Variants in SIK3 observed in about 807,000 individuals in gnomAD.
SIK3 encodes SIK family kinase 3.
Under a neutral mutation model 144.2 loss-of-function variants are expected in SIK3, and 28 were observed. That is an observed-to-expected ratio of 0.19 (90% CI 0.14 to 0.27). SIK3 has a LOEUF of 0.27. Ranked by LOEUF, SIK3 falls within the 10% of genes least tolerant of loss-of-function variation. SIK3 has a pLI of 1.00. For missense variants in SIK3, 1,319 were observed against 1,776.0 expected, an observed-to-expected ratio of 0.74 and a Z score of 4.62; for synonymous variants, 686 against 676.3, an observed-to-expected ratio of 1.01 and a Z score of -0.22.
At chr11:116,910,511 C>G (rs1946282822) in intron 4 of SIK3, among the ~76,000 whole-genome samples, 1 of 151,988 alleles carries the variant, frequency 6.6e-6, no homozygotes, top group Non-Finnish European at 1.5e-5. Context: ...CATCATCTCC[C>G]CAAAACCACA....
chr11:116,859,265 C>G lies in SIK3; in HGVS notation c.2765G>C (p.Ser922Thr). The G allele has an allele frequency of 6.2e-7, 1 of 1,600,012 alleles. No individual in the cohort carries two copies. The highest frequency in any genetic ancestry group is 8.5e-7 in the Non-Finnish European group (1 of 1,169,696). Residue 922 changes from serine (S) to threonine (T), a missense_variant and splice_region_variant, in exon 20 of 25, where the codon AGC (serine) becomes ACC (threonine). This residue lies in a region of SIK3 where 646 missense variants were observed against 763.7 expected (regional missense o/e 0.85). Transcript: ENST00000445177. ...GCTGGGTGACGTTAGGCGGTCTTAC[C>G]TGTGAGCCTCTGCACTGTCAGCACT... Reference protein sequence around the residue: ...QLSADSAEAHSLNVNRFSPAN... With the variant: ...QLSADSAEAHTLNVNRFSPAN...
rs913467008 is a variant in SIK3 at position 116,858,170 on chromosome 11, C to T, written c.3295G>A (p.Asp1099Asn). 6.2e-7 allele frequency: 1 copy of T among 1,614,008 alleles called. No individual in the cohort carries two copies. Among genetic ancestry groups the T allele is most frequent in the Admixed American group, 1.7e-5 (1 of 59,994 alleles). ...GGGCTGGTGTGATGGTGATAAGAGT[C>T]AGCATTTTGATAAGATAAAGCCTGG... ...ERQALSYQNA[D>N]SYHHHTSPQH... Residue 1099 changes from aspartate (D) to asparagine (N), a missense_variant, in exon 21 of 25, where the codon GAC becomes AAC. Coordinates refer to ENST00000445177, the MANE Select transcript of SIK3 (RefSeq NM_001366686.3). The surrounding 1 kb of genome is among the most constrained non-coding windows in gnomAD (Gnocchi z 5.4).
chr11:116,854,487 CA>C (rs1942713799), intron 21 of SIK3, among the ~76,000 whole-genome samples: 1 of 152,242 alleles, frequency 6.6e-6, no homozygotes, highest in South Asian at 2.1e-4. Flanking sequence ...CACTTCATAG[CA>C]AAGCTGTTTA....
At chr11:117,039,110 C>T (rs1305839188) in intron 1 of SIK3, among the ~76,000 whole-genome samples, 1 of 151,978 alleles carries the variant, frequency 6.6e-6, no homozygotes, top group Non-Finnish European at 1.5e-5. Flanking sequence ...AGAATCACCT[C>T]GGCTCTACGT....
chr11:116,932,293 T>C (rs770663623), intron 3 of SIK3, among the ~76,000 whole-genome samples: 4 of 152,238 alleles, frequency 2.6e-5, no homozygotes, highest in Non-Finnish European at 5.9e-5. Context: ...GAGATAATTA[T>C]AGATTCACAG....
chr11:116,931,317 G>A (rs969290490), intron 3 of SIK3, among the ~76,000 whole-genome samples: 1 of 152,154 alleles, frequency 6.6e-6, no homozygotes. Flanking sequence ...ATATCTTGTG[G>A]TACATTTAGG....
At chr11:117,023,550 C>A (rs1004711173) in intron 1 of SIK3, among the ~76,000 whole-genome samples, 1 of 144,364 alleles carries the variant, frequency 6.9e-6, no homozygotes, top group East Asian at 2.0e-4. Context: ...GGACTATAGT[C>A]ATGTGCCACT....
intron 11 of SIK3, among the ~76,000 whole-genome samples, chr11:116,874,735 T>C (rs546434977): frequency 6.6e-6 from 1 of 152,328 alleles, no homozygotes; most frequent in African/African-American, 2.4e-5. Context: ...GAAAACCAGC[T>C]TTGCCCTGAT....
intron 1 of SIK3, among the ~76,000 whole-genome samples, chr11:117,040,569 T>C (rs918992742): frequency 2.0e-5 from 3 of 152,172 alleles, no homozygotes; most frequent in Non-Finnish European, 2.9e-5. Context: ...AGATTACTTC[T>C]AGCTAAAGAT....
chr11:116,923,698 TA>T (rs1947127077), intron 4 of SIK3, among the ~76,000 whole-genome samples: 2 of 152,142 alleles, frequency 1.3e-5, no homozygotes, highest in South Asian at 4.1e-4. Flanking sequence ...AAACAAATAA[TA>T]AAAATGTACG....
intron 15 of SIK3, among the ~76,000 whole-genome samples, chr11:116,866,021 C>G (rs918585840): frequency 2.6e-5 from 4 of 152,178 alleles, no homozygotes; most frequent in African/African-American, 9.7e-5. Context: ...TGAAAACAGA[C>G]AGCAGATAGA....
At chr11:116,915,127 T>TGTGTGA in intron 4 of SIK3, among the ~76,000 whole-genome samples, 1 of 108,684 alleles carries the variant, frequency 9.2e-6, no homozygotes, top group African/African-American at 5.0e-5. Context: ...GCCATATATG[T>TGTGTGA]GTGTGTGTGT....
Position 116,867,861 on chromosome 11 carries a change from C to A in SIK3, c.1952+85G>T. The A allele has an allele frequency of 7.5e-7, 1 of 1,337,532 alleles. No homozygotes were observed. Among genetic ancestry groups the A allele is most frequent in the Non-Finnish European group, 1.0e-6 (1 of 1,002,314 alleles). 82.9% of individuals were successfully genotyped at this position (1,337,532 alleles called of 1,614,324 possible). ...CTGGCTTCTATTTAAAGCCACGATG[C>A]TAGTCACCGTCGCTGTGAGACTAAT... On this transcript the variant is annotated intron_variant, in intron 15 of 24. Transcript: ENST00000445177. The surrounding 1 kb of genome is among the most constrained non-coding windows in gnomAD (Gnocchi z 4.1).
chr11:117,021,210 T>C (rs1287767097), intron 1 of SIK3, among the ~76,000 whole-genome samples: 1 of 152,208 alleles, frequency 6.6e-6, no homozygotes, highest in African/African-American at 2.4e-5. Context: ...TCCACAGTCA[T>C]TCGAGCAGTT....
chr11:116,930,660 C>T (rs1374000787), intron 3 of SIK3, among the ~76,000 whole-genome samples: 2 of 152,140 alleles, frequency 1.3e-5, no homozygotes, highest in Non-Finnish European at 2.9e-5. Context: ...CTGCTTCTTC[C>T]AGGCAATTCA....
intron 6 of SIK3, among the ~76,000 whole-genome samples, chr11:116,881,938 T>A (rs1944573728): frequency 6.6e-6 from 1 of 151,166 alleles, no homozygotes; most frequent in Non-Finnish European, 1.5e-5. Context: ...CTTGATCAGA[T>A]AATAAGAGGC....
intron 1 of SIK3, chr11:117,035,942 C>T (rs1952481108): frequency 6.3e-7 from 1 of 1,589,220 alleles, no homozygotes; most frequent in African/African-American, 1.3e-5. Flanking sequence ...GCATCCTGGG[C>T]ATTTCACATC....
chr11:116,848,020 T>TA lies in SIK3; in HGVS notation c.3820-413dup, dbSNP rs562058887. Among the ~76,000 whole-genome samples the TA allele has an allele frequency of 3.1e-3, 478 of 152,308 alleles. 1 individual carries two copies. The highest frequency in any genetic ancestry group is 0.011 in the African/African-American group (451 of 41,564). The stretch of plus-strand genomic sequence containing the variant: ...TAGCCACAAGTGGCTACTGAGCACT[T>TA]AAAGTGTGACTGGGCTGGGCACGGT... On this transcript the variant is annotated intron_variant, in intron 22 of 24. Coordinates refer to ENST00000445177, the MANE Select transcript of SIK3 (RefSeq NM_001366686.3).
intron 1 of SIK3, among the ~76,000 whole-genome samples, chr11:117,045,103 C>T (rs2000615): frequency 0.86 from 130,275 of 152,160 alleles, 56,435 homozygotes; most frequent in African/African-American, 0.9. Context: ...CTCATTTCAA[C>T]ATTGCTCTTC....
Sources: allele counts gnomAD v4.1 joint callset (sites outside exome capture counted in the v4.1 genomes callset), GRCh38; gene constraint gnomAD v4.1.1; regional missense constraint gnomAD v4.1.1; non-coding constraint Gnocchi (gnomAD v3.1); transcripts MANE v1.5; gene names NCBI Gene and HGNC (gene_info 2026-07-23, HGNC 2026-07-21).